The following PLXDC2 variants were observed in gnomAD, a reference collection of about 807,000 sequenced individuals.
The protein encoded by PLXDC2 is plexin domain-containing protein 2.
PLXDC2 carries 40 observed loss-of-function variants against 68.9 expected under a neutral mutation model. The observed-to-expected ratio is 0.58, with a 90% CI of 0.45 to 0.76. The LOEUF is 0.76. PLXDC2 is among the 30% of genes least tolerant of loss of function. The pLI, the probability that PLXDC2 is intolerant of heterozygous loss-of-function variation, is 0.00. For synonymous variants in PLXDC2, 243 were observed against 234.2 expected, an observed-to-expected ratio of 1.04 and a Z score of -0.34; for missense variants, 644 against 661.9, an observed-to-expected ratio of 0.97 and a Z score of 0.30.
At chr10:19,893,192 A>G (rs1334613649) in intron 1 of PLXDC2, among the ~76,000 whole-genome samples, 1 of 152,152 alleles carries the variant, frequency 6.6e-6, no homozygotes, top group Admixed American at 6.5e-5. Flanking sequence ...ACAAGCACAC[A>G]TTTAGCTAGG....
chr10:19,845,301 T>C (rs1453479197), intron 1 of PLXDC2, among the ~76,000 whole-genome samples: 2 of 152,156 alleles, frequency 1.3e-5, no homozygotes, highest in Non-Finnish European at 2.9e-5. Flanking sequence ...ACAATTATGG[T>C]GACTTCTTGC....
In PLXDC2 at chr10:20,050,462, A is replaced by G. The variant is rs933838183; in HGVS notation, c.471+3447A>G. 8.1e-4 allele frequency among the ~76,000 whole-genome samples: 123 copies of G among 152,210 alleles called. 1 individual carries two copies. The highest frequency in any genetic ancestry group is 1.3e-4 in the Non-Finnish European group (9 of 68,028). On this transcript the variant is annotated intron_variant, in intron 3 of 13. Transcript: ENST00000377252. ...GGGAGAAAATATTTGCAAGCTATGCATCTGACAAAGGTCTAATATCCAGCA... is the reference window on the plus strand; with the variant it reads ...GGGAGAAAATATTTGCAAGCTATGCGTCTGACAAAGGTCTAATATCCAGCA...
At chr10:20,234,787 A>G (rs924729855) in intron 12 of PLXDC2, among the ~76,000 whole-genome samples, 1 of 151,986 alleles carries the variant, frequency 6.6e-6, no homozygotes, top group African/African-American at 2.4e-5. Context: ...AACCACAGCA[A>G]ATAGCAAAAA....
At chr10:19,914,390 A>G (rs1336958271) in intron 1 of PLXDC2, among the ~76,000 whole-genome samples, 1 of 152,174 alleles carries the variant, frequency 6.6e-6, no homozygotes, top group Non-Finnish European at 1.5e-5. Context: ...TAGATATTCC[A>G]TTGATTTACT....
Position 20,177,370 on chromosome 10 carries a change from AG to A in PLXDC2, c.1023del (p.Ile342LeufsTer55). 6.2e-7 allele frequency: 1 copy of A among 1,602,994 alleles called. No homozygotes were observed. The highest frequency in any genetic ancestry group is 8.5e-7 in the Non-Finnish European group (1 of 1,170,712). ...FNRCGPCVSS[Q>X]IGFNCSWCSK... ...AGATGTGGCCCCTGTGTATCTTCTC[AG>A]ATTGGCTTCAACTGCAGTTGGTGTA... On this transcript the variant is annotated frameshift_variant, in exon 9 of 14. Transcript: ENST00000377252. LOFTEE classifies it high-confidence loss of function.
chr10:19,983,435 G>C (rs72789658), intron 1 of PLXDC2, among the ~76,000 whole-genome samples: 1 of 152,052 alleles, frequency 6.6e-6, no homozygotes, highest in African/African-American at 2.4e-5. Flanking sequence ...TTTTGTTCTT[G>C]GAGGATAAAT....
intron 9 of PLXDC2, among the ~76,000 whole-genome samples, chr10:20,183,304 T>C (rs1372531495): frequency 6.6e-6 from 1 of 151,898 alleles, no homozygotes; most frequent in African/African-American, 2.4e-5. Context: ...GGAGAGAGTA[T>C]AAATTGAAAG....
At chr10:19,939,860 T>G (rs2131396881) in intron 1 of PLXDC2, among the ~76,000 whole-genome samples, 1 of 149,818 alleles carries the variant, frequency 6.7e-6, no homozygotes, top group South Asian at 2.1e-4. Context: ...ATAGGGATGT[T>G]TTTGAATTAT....
chr10:19,921,413 A>G (rs932609117), intron 1 of PLXDC2, among the ~76,000 whole-genome samples: 1 of 152,116 alleles, frequency 6.6e-6, no homozygotes, highest in Non-Finnish European at 1.5e-5. Flanking sequence ...CTTCCTCGTA[A>G]CTAATAATGA....
At chr10:20,183,591 G>A (rs1386137833) in intron 9 of PLXDC2, among the ~76,000 whole-genome samples, 1 of 151,890 alleles carries the variant, frequency 6.6e-6, no homozygotes, top group Non-Finnish European at 1.5e-5. Flanking sequence ...AACCAGCAAA[G>A]GAGAAATAAG....
intron 7 of PLXDC2, among the ~76,000 whole-genome samples, chr10:20,168,467 T>G (rs76818978): frequency 0.029 from 4,475 of 152,232 alleles, 90 homozygotes; most frequent in South Asian, 0.079. Flanking sequence ...CCACAGGAGA[T>G]TCCCACTAAG....
At chr10:19,853,118 CA>C (rs1837151937) in intron 1 of PLXDC2, among the ~76,000 whole-genome samples, 2 of 152,114 alleles carry the variant, frequency 1.3e-5, no homozygotes, top group African/African-American at 2.4e-5. Context: ...AAATAGAGTA[CA>C]GTTTTAAAAG....
chr10:20,238,677 G>GTATATGTATATATATATATATATATATA (rs1835469646), intron 12 of PLXDC2, among the ~76,000 whole-genome samples: 1 of 76,884 alleles, frequency 1.3e-5, no homozygotes, highest in Non-Finnish European at 2.8e-5. Context: ...ATATATATAT[G>GTATATGTATATATATATATATATATATA]TATATATATA....
intron 11 of PLXDC2, among the ~76,000 whole-genome samples, 154 bp from the exon 12 acceptor site, chr10:20,218,910 C>G (rs927168077): frequency 4.6e-5 from 7 of 152,156 alleles, no homozygotes; most frequent in Middle Eastern, 6.3e-3. Context: ...AAAGCAAGGA[C>G]TTGCTCTCAT....
intron 1 of PLXDC2, among the ~76,000 whole-genome samples, chr10:19,874,648 C>G (rs150215975): frequency 1.0e-3 from 152 of 152,296 alleles, no homozygotes; most frequent in African/African-American, 3.6e-3. Context: ...TGGATGCAGA[C>G]AAGCGAATTT....
intron 12 of PLXDC2, among the ~76,000 whole-genome samples, chr10:20,223,491 T>A (rs1246764303): frequency 6.6e-6 from 1 of 151,928 alleles, no homozygotes; most frequent in Non-Finnish European, 1.5e-5. Context: ...TTTGTATTTT[T>A]AGTAGAGACA....
chr10:20,223,003 G>T (rs1489467427), intron 12 of PLXDC2, among the ~76,000 whole-genome samples: 1 of 152,072 alleles, frequency 6.6e-6, no homozygotes, highest in Non-Finnish European at 1.5e-5. Context: ...GAGGAGAAGG[G>T]ACAGGAAAGA....
intron 4 of PLXDC2, among the ~76,000 whole-genome samples, chr10:20,131,909 T>G (rs1311858381): frequency 6.6e-6 from 1 of 152,152 alleles, no homozygotes; most frequent in Non-Finnish European, 1.5e-5. Flanking sequence ...TTGTTCTTGT[T>G]TCCTTGTTCC....
chr10:20,186,683 C>T (rs1040984092), intron 9 of PLXDC2, among the ~76,000 whole-genome samples: 8 of 151,808 alleles, frequency 5.3e-5, no homozygotes, highest in Non-Finnish European at 1.0e-4. Context: ...TTCAGTTCCT[C>T]GGTTAGTTTG....
Sources: allele counts gnomAD v4.1 joint callset (sites outside exome capture counted in the v4.1 genomes callset), GRCh38; gene constraint gnomAD v4.1.1; transcripts MANE v1.5; gene names NCBI Gene and HGNC (gene_info 2026-07-23, HGNC 2026-07-21).